The following SEPTIN9 variants were observed in gnomAD, a reference collection of about 807,000 sequenced individuals.
SEPTIN9 encodes septin 9.
Under a neutral mutation model 56.6 loss-of-function variants are expected in SEPTIN9, and 13 were observed. The ratio of observed to expected loss-of-function variants is 0.23; its 90% confidence interval spans 0.15 to 0.37. The LOEUF is 0.37. SEPTIN9 is among the 10% of genes least tolerant of loss of function. SEPTIN9 has a pLI of 1.00. For synonymous variants in SEPTIN9, 332 were observed against 334.1 expected, an observed-to-expected ratio of 0.99 and a Z score of 0.07; for missense variants, 650 against 823.1, an observed-to-expected ratio of 0.79 and a Z score of 2.57.
In SEPTIN9 at chr17:77,490,760, C is replaced by T. The variant is rs189889366; in HGVS notation, c.1281C>T (p.Ile427=). ...GCTTCAGCCTCAGGCCCCTGGACAT[C>T]GAGTTTATGAAACGCCTGAGCAAGG... ...ATGHSLRPLD[I]EFMKRLSKVV... is the part of the protein sequence containing the mutation. The change falls in exon 8 of 12, where the codon ATC becomes ATT. Residue 427 remains isoleucine, a synonymous_variant. Transcript: ENST00000427177. 34 of 1,579,338 alleles carry T rather than the reference C, an allele frequency of 2.2e-5. No homozygotes were observed. The highest frequency in any genetic ancestry group is 7.0e-5 in the East Asian group (3 of 43,104).
In SEPTIN9 at chr17:77,315,760, C is replaced by A. The variant is rs928880267; in HGVS notation, c.76+8563C>A. 4.6e-5 allele frequency among the ~76,000 whole-genome samples: 7 copies of A among 152,346 alleles called. No homozygotes were observed. The East Asian group carries it at 1.2e-3, about 25-fold the overall frequency. ...CCGCCCTGCCAGGCCCAGCCTGTGC[C>A]GCTGAGCCCCACTTTGCAATTAAGA... On this transcript the variant is annotated intron_variant, in intron 2 of 11. Coordinates refer to ENST00000427177, the MANE Select transcript of SEPTIN9 (RefSeq NM_001113491.2).
At chr17:77,382,579 G>A (rs1422681653) in intron 2 of SEPTIN9, among the ~76,000 whole-genome samples, 1 of 152,250 alleles carries the variant, frequency 6.6e-6, no homozygotes, top group Non-Finnish European at 1.5e-5. Flanking sequence ...GGAGGGACCA[G>A]GGTGGTGAAA....
chr17:77,490,165 G>T (rs994947790), intron 7 of SEPTIN9, among the ~76,000 whole-genome samples: 2 of 152,188 alleles, frequency 1.3e-5, no homozygotes, highest in Non-Finnish European at 2.9e-5. Context: ...GTGTGTGACC[G>T]ATTTATTCTC....
chr17:77,401,231 C>T (rs1032202828), intron 2 of SEPTIN9, among the ~76,000 whole-genome samples: 5 of 152,160 alleles, frequency 3.3e-5, no homozygotes, highest in Admixed American at 2.6e-4. Context: ...GTGATGAGCT[C>T]GGTAGGCCCG....
rs555316236 is a variant in SEPTIN9 at position 77,492,176 on chromosome 17, G to A, written c.1381-445G>A. On this transcript the variant is annotated intron_variant, in intron 8 of 11. Coordinates refer to ENST00000427177, the MANE Select transcript of SEPTIN9 (RefSeq NM_001113491.2). The surrounding 1 kb of genome is among the most constrained non-coding windows in gnomAD (Gnocchi z 5.4). ...TCTGTGCCTGGGCAGGCGAGCAGCCGCTCACTGGGATGTTTCTGTTGCACG... is the reference window on the plus strand; with the variant it reads ...TCTGTGCCTGGGCAGGCGAGCAGCCACTCACTGGGATGTTTCTGTTGCACG... 9.2e-5 allele frequency among the ~76,000 whole-genome samples: 14 copies of A among 152,294 alleles called. No individual in the cohort carries two copies. The highest frequency in any genetic ancestry group is 1.8e-4 in the Non-Finnish European group (12 of 68,016).
At chr17:77,284,598 G>GTTT (rs113644232) in intron 1 of SEPTIN9, among the ~76,000 whole-genome samples, 3 of 151,876 alleles carry the variant, frequency 2.0e-5, no homozygotes, top group African/African-American at 4.8e-5. Flanking sequence ...TGCCTCATTT[G>GTTT]TTTTTTTGTG....
chr17:77,287,745 C>G, intron 1 of SEPTIN9: 5 of 387,296 alleles, frequency 1.3e-5, no homozygotes, highest in Non-Finnish European at 1.8e-5. Flanking sequence ...TTGCCAATGG[C>G]CTCTCGGCAG....
In SEPTIN9 at chr17:77,498,675, C is replaced by CCCCCCGGG; in HGVS notation, c.*20_*21insCCGGGCCC. 2.0e-6 allele frequency: 3 copies of CCCCCCGGG among 1,525,128 alleles called. No individual in the cohort carries two copies. The highest frequency in any genetic ancestry group is 2.3e-5 in the South Asian group (2 of 86,020). The allele number at this position is 1,525,128 out of a possible 1,614,324, so 94.5% of individuals were successfully genotyped here. A position where few individuals can be genotyped will look rare whatever the true frequency, so the allele number is the denominator to read the frequency against. On this transcript the variant is annotated 3_prime_UTR_variant, in exon 12 of 12. Transcript: ENST00000427177. ...GAGATGTAGACGCCACCCTGCCCAC[C>CCCCCCGGG]CCCGGGATCCTGCCCCCAAGTCATT...
chr17:77,488,648 C>A, intron 6 of SEPTIN9, 79 bp from the exon 7 acceptor site: 1 of 1,582,408 alleles, frequency 6.3e-7, no homozygotes, highest in South Asian at 1.1e-5. Context: ...GGGTGTTGGG[C>A]TCTGAGTCCT....
chr17:77,401,924 A>G (rs370674420), intron 2 of SEPTIN9, 135 bp from the exon 3 acceptor site: 67 of 824,210 alleles, frequency 8.1e-5, no homozygotes, highest in Non-Finnish European at 1.2e-4. Context: ...TTGCTGAGAC[A>G]TGAAGGACGG....
At chr17:77,495,196 C>T (rs1173639140) in intron 10 of SEPTIN9, among the ~76,000 whole-genome samples, 3 of 152,196 alleles carry the variant, frequency 2.0e-5, no homozygotes, top group African/African-American at 7.2e-5. Context: ...GAGGTCCCCG[C>T]ACCTCTCTGA....
intron 1 of SEPTIN9, among the ~76,000 whole-genome samples, chr17:77,284,036 A>G (rs189362947): frequency 7.7e-4 from 117 of 152,128 alleles, no homozygotes; most frequent in Non-Finnish European, 1.0e-4. Flanking sequence ...GAGGAAGGAG[A>G]AGTCTTGAGT....
chr17:77,494,735 C>T (rs1172119989), intron 10 of SEPTIN9, among the ~76,000 whole-genome samples: 1 of 152,092 alleles, frequency 6.6e-6, no homozygotes, highest in African/African-American at 2.4e-5. Context: ...TGCCAAGGGA[C>T]CCAGAACGGG....
intron 2 of SEPTIN9, among the ~76,000 whole-genome samples, chr17:77,309,510 C>T (rs1001236786): frequency 1.3e-5 from 2 of 152,196 alleles, no homozygotes; most frequent in African/African-American, 4.8e-5. Flanking sequence ...TCTCCGGCCT[C>T]CCCATTTGAC....
chr17:77,411,114 C>T (rs1044713015), intron 3 of SEPTIN9, among the ~76,000 whole-genome samples: 1 of 151,342 alleles, frequency 6.6e-6, no homozygotes, highest in African/African-American at 2.4e-5. Flanking sequence ...GATGCCCAGT[C>T]ATTCTTAGAT....
chr17:77,411,042 G>A (rs1179547850), intron 3 of SEPTIN9, among the ~76,000 whole-genome samples: 1 of 151,342 alleles, frequency 6.6e-6, no homozygotes, highest in East Asian at 1.9e-4. Flanking sequence ...CTGAGATTGT[G>A]CCAGTGCAGT....
Position 77,450,575 on chromosome 17 carries a change from C to T in SEPTIN9, c.722-31569C>T, listed in dbSNP as rs2037926360. On this transcript the variant is annotated intron_variant, in intron 3 of 11. Transcript: ENST00000427177. This position sits in a 1 kb window ranked among gnomAD's most constrained non-coding sequence, Gnocchi z 6.0. ...GGCACTGAGATGGGTCTGGCAGATC[C>T]CAGCGTCCAGGCCCAGCCCCTATAG... The T allele has an allele frequency of 1.0e-6, 1 of 985,476 alleles. No individual in the cohort carries two copies. Among genetic ancestry groups the T allele is most frequent in the African/African-American group, 1.7e-5 (1 of 57,202 alleles). The allele number at this position is 985,476 out of a possible 1,614,324, so 61.0% of individuals were successfully genotyped here. A position where few individuals can be genotyped will look rare whatever the true frequency, so the allele number is the denominator to read the frequency against.
chr17:77,320,210 G>A (rs2032857147), intron 2 of SEPTIN9: 5 of 1,552,886 alleles, frequency 3.2e-6, no homozygotes, highest in Non-Finnish European at 4.4e-6. Context: ...AGTGTTTTTA[G>A]AGGAGGAGGA....
intron 2 of SEPTIN9, chr17:77,376,080 G>T: frequency 1.0e-6 from 1 of 986,128 alleles, no homozygotes; most frequent in Non-Finnish European, 1.2e-6. Context: ...TAGCAGGGGA[G>T]AAGTCAGTAT....
Sources: allele counts gnomAD v4.1 joint callset (sites outside exome capture counted in the v4.1 genomes callset), GRCh38; gene constraint gnomAD v4.1.1; non-coding constraint Gnocchi (gnomAD v3.1); transcripts MANE v1.5; gene names NCBI Gene and HGNC (gene_info 2026-07-23, HGNC 2026-07-21).